The following SOX11 variants were observed in gnomAD, a reference collection of about 807,000 sequenced individuals.
The protein encoded by SOX11 is SRY-box transcription factor 11.
A neutral mutation model predicts 16.7 loss-of-function variants in SOX11; 5 were observed. The ratio of observed to expected loss-of-function variants is 0.30; its 90% CI spans 0.16 to 0.63. The LOEUF (loss-of-function observed/expected upper bound fraction) is 0.63. SOX11 is among the 20% of genes least tolerant of loss of function. SOX11 has a pLI of 0.82. For missense variants in SOX11, 492 were observed against 641.5 expected (o/e 0.77, Z 2.52); for synonymous variants, 363 against 298.8 (o/e 1.21, Z -2.22).
chr2:5,694,614 T>C lies in SOX11; in HGVS notation c.*567T>C, dbSNP rs1380514415. On this transcript the variant is annotated 3_prime_UTR_variant, in exon 1 of 1. Coordinates refer to ENST00000322002, the MANE Select transcript of SOX11 (RefSeq NM_003108.4). ...TTTTTCTTAAGAGAACTTAAAGAAC[T>C]GGTGATTTTTTTTTAACAAAAAAAG... 5.8e-6 allele frequency: 1 copy of C among 171,518 alleles called. No individual in the cohort carries two copies. The highest frequency in any genetic ancestry group is 1.4e-5 in the Non-Finnish European group (1 of 73,668). 10.6% of individuals were successfully genotyped at this position (171,518 alleles called of 1,614,324 possible).
At position 5,694,371 on chromosome 2, in the gene SOX11, A is replaced by G. The variant is rs1438349215; in HGVS notation, c.*324A>G. The G allele has an allele frequency of 1.7e-5, 5 of 301,320 alleles. No homozygotes were observed. In the East Asian group the frequency reaches 2.8e-4, roughly 17 times the overall value. The allele number at this position is 301,320 out of a possible 1,614,324, so 18.7% of individuals were successfully genotyped here. ...GTTGCATACCTAGTCTGGAGTTGTG[A>G]TTATTTTCCCAAAAAATGTGTTTTT... is the stretch of plus-strand genomic sequence containing the variant. On this transcript the variant is annotated 3_prime_UTR_variant, in exon 1 of 1. Transcript: ENST00000322002.
At position 5,692,502 on chromosome 2, in the gene SOX11, C is replaced by T. The variant is rs183761758; in HGVS notation, c.-220C>T. On this transcript the variant is annotated 5_prime_UTR_variant, in exon 1 of 1. Coordinates refer to ENST00000322002, the MANE Select transcript of SOX11 (RefSeq NM_003108.4). The stretch of plus-strand genomic sequence containing the variant: ...GCCGTCGCCACCGCCTCTCCTGTCG[C>T]GACCGCAGCTCCCACCGCGCCGGCG... 6.6e-6 allele frequency among the ~76,000 whole-genome samples: 1 copy of T among 150,606 alleles called. No homozygotes were observed. Among genetic ancestry groups the T allele is most frequent in the Non-Finnish European group, 1.5e-5 (1 of 67,774 alleles).
chr2:5,698,107 T>C lies in SOX11; in HGVS notation c.*4060T>C, dbSNP rs1665774096. ...TGTTTGGCAATCTAAATTTAAAACC[T>C]GTTAGAACTCAGGACAGGCGCTTCA... is the stretch of plus-strand genomic sequence containing the variant. On this transcript the variant is annotated 3_prime_UTR_variant, in exon 1 of 1. Coordinates refer to ENST00000322002, the MANE Select transcript of SOX11 (RefSeq NM_003108.4). 1 of 167,194 alleles carries C rather than the reference T, an allele frequency of 6.0e-6. No homozygotes were observed. The highest frequency in any genetic ancestry group is 2.4e-5 in the African/African-American group (1 of 41,598). 10.4% of individuals were successfully genotyped at this position (167,194 alleles called of 1,614,324 possible).
chr2:5,696,428 G>C lies in SOX11; in HGVS notation c.*2381G>C, dbSNP rs1268581732. The C allele has an allele frequency of 6.3e-6, 1 of 158,912 alleles. No homozygotes were observed. Among genetic ancestry groups the C allele is most frequent in the African/African-American group, 2.4e-5 (1 of 41,446 alleles). The allele number at this position is 158,912 out of a possible 1,614,324, so 9.8% of individuals were successfully genotyped here. On this transcript the variant is annotated 3_prime_UTR_variant, in exon 1 of 1. Transcript: ENST00000322002. ...GGGAGGGAGGCGGGAGTCGGGGGAAGACGCGGCAGGCCGGCCGAGGGCACC... is the reference window on the plus strand; with the variant it reads ...GGGAGGGAGGCGGGAGTCGGGGGAACACGCGGCAGGCCGGCCGAGGGCACC...
chr2:5,692,663 G>C lies in SOX11; in HGVS notation c.-59G>C. 7.0e-7 allele frequency: 1 copy of C among 1,425,176 alleles called. No individual in the cohort carries two copies. Among genetic ancestry groups the C allele is most frequent in the Admixed American group, 2.4e-5 (1 of 41,768 alleles). 88.3% of individuals were successfully genotyped at this position (1,425,176 alleles called of 1,614,324 possible). On this transcript the variant is annotated 5_prime_UTR_variant, in exon 1 of 1. Coordinates refer to ENST00000322002, the MANE Select transcript of SOX11 (RefSeq NM_003108.4). ...GAAGGTGGAGGGGTGGGAGGGGGAG[G>C]GGGACCTCCGCACGAGACCCAGCGG...
In SOX11 at chr2:5,694,229, A is replaced by C; in HGVS notation, c.*182A>C. 1.3e-6 allele frequency: 1 copy of C among 783,642 alleles called. No homozygotes were observed. Among genetic ancestry groups the C allele is most frequent in the African/African-American group, 1.8e-5 (1 of 54,982 alleles). The allele number at this position is 783,642 out of a possible 1,614,324, so 48.5% of individuals were successfully genotyped here. A position where few individuals can be genotyped will look rare whatever the true frequency, so the allele number is the denominator to read the frequency against. On this transcript the variant is annotated 3_prime_UTR_variant, in exon 1 of 1. Transcript: ENST00000322002. ...ATATTGATAAGATGTCGTGACGCAA[A>C]GAAATTGGAAAACATGATGAAAATT...
At position 5,694,317 on chromosome 2, in the gene SOX11, C is replaced by A; in HGVS notation, c.*270C>A. On this transcript the variant is annotated 3_prime_UTR_variant, in exon 1 of 1. Transcript: ENST00000322002. ...TTTTTCCTGTCCTTTTTTTGTCCCC[C>A]CTCCCTTCCTTTATCGTGTCTCAAG... 4.2e-6 allele frequency: 2 copies of A among 477,134 alleles called. No individual in the cohort carries two copies. Among genetic ancestry groups the A allele is most frequent in the East Asian group, 3.4e-5 (1 of 29,582 alleles). The allele number at this position is 477,134 out of a possible 1,614,324, so 29.6% of individuals were successfully genotyped here.
Position 5,694,242 on chromosome 2 carries a change from CAT to C in SOX11, c.*196_*197del. On this transcript the variant is annotated 3_prime_UTR_variant, in exon 1 of 1. Transcript: ENST00000322002. ...GTCGTGACGCAAAGAAATTGGAAAA[CAT>C]GATGAAAATTTTGGTGGAGTTAAAG... The C allele has an allele frequency of 1.4e-6, 1 of 730,760 alleles. No homozygotes were observed. The highest frequency in any genetic ancestry group is 2.1e-6 in the Non-Finnish European group (1 of 480,160). 45.3% of individuals were successfully genotyped at this position (730,760 alleles called of 1,614,324 possible).
rs1665838495 is a variant in SOX11, at chr2:5,701,375, A to C, written c.*7328A>C. On this transcript the variant is annotated 3_prime_UTR_variant, in exon 1 of 1. Coordinates refer to ENST00000322002, the MANE Select transcript of SOX11 (RefSeq NM_003108.4). ...CAAAAGACTCTAATAAAATTGTGTG[A>C]TCAATCTTCACTTGTGGTTTTTATG... 6.0e-6 allele frequency: 1 copy of C among 166,902 alleles called. No individual in the cohort carries two copies. The highest frequency in any genetic ancestry group is 6.5e-5 in the Admixed American group (1 of 15,288). The allele number at this position is 166,902 out of a possible 1,614,324, so 10.3% of individuals were successfully genotyped here.
Position 5,695,764 on chromosome 2 carries a change from G to C in SOX11, c.*1717G>C, listed in dbSNP as rs1001004618. On this transcript the variant is annotated 3_prime_UTR_variant, in exon 1 of 1. Transcript: ENST00000322002. ...GCAGGAGAGAATTCTACATTTAGGG[G>C]GTTAGGCTGAAAAGTGTTCAATTAG... 6.0e-6 allele frequency: 1 copy of C among 167,168 alleles called. No homozygotes were observed. Among genetic ancestry groups the C allele is most frequent in the Non-Finnish European group, 1.5e-5 (1 of 68,158 alleles). The allele number at this position is 167,168 out of a possible 1,614,324, so 10.4% of individuals were successfully genotyped here.
rs899337295 is a variant in SOX11 at position 5,693,933 on chromosome 2, G to A, written c.1212G>A (p.Glu404=). The part of the protein sequence containing the change: ...LVDKDLDSFS[E]GSLGSHFEFP... ...ATAAGGATTTGGATTCGTTCAGCGA[G>A]GGCAGCCTGGGCTCCCACTTCGAGT... Residue 404 remains glutamate (E), a synonymous_variant, in exon 1 of 1, where the codon GAG becomes GAA. Coordinates refer to ENST00000322002, the MANE Select transcript of SOX11 (RefSeq NM_003108.4). This position sits in a 1 kb window ranked among gnomAD's most constrained non-coding sequence, Gnocchi z 8.6. 7.1e-6 allele frequency: 11 copies of A among 1,551,610 alleles called. No homozygotes were observed. The highest frequency in any genetic ancestry group is 3.3e-4 in the Middle Eastern group (2 of 5,992).
In SOX11 at chr2:5,693,749, C is replaced by G. The variant is rs1339574821; in HGVS notation, c.1028C>G (p.Ser343Trp). 1.3e-6 allele frequency: 2 copies of G among 1,574,502 alleles called. No homozygotes were observed. Among genetic ancestry groups the G allele is most frequent in the East Asian group, 2.3e-5 (1 of 43,904 alleles). Residue 343 changes from serine to tryptophan, a missense_variant, in exon 1 of 1, where the codon TCG becomes TGG. Coordinates refer to ENST00000322002, the MANE Select transcript of SOX11 (RefSeq NM_003108.4). This position sits in a 1 kb window ranked among gnomAD's most constrained non-coding sequence, Gnocchi z 8.6. ...PASSRSVSTS[S>W]SSSSGSSSGS... Reference sequence around the variant, plus strand: ...TCCTCGCGCTCGGTGTCCACCTCCTCGTCCAGCAGCAGCGGCAGCAGCAGC... The same window carrying G: ...TCCTCGCGCTCGGTGTCCACCTCCTGGTCCAGCAGCAGCGGCAGCAGCAGC...
rs1004041341 is a variant in SOX11 at position 5,695,581 on chromosome 2, T to G, written c.*1534T>G. On this transcript the variant is annotated 3_prime_UTR_variant, in exon 1 of 1. Coordinates refer to ENST00000322002, the MANE Select transcript of SOX11 (RefSeq NM_003108.4). ...TCATTGCCTGTTTTTTTTTTTTTTT[T>G]TTTGTGCTGGAAGTCTGTATCTTGA... 3 of 164,940 alleles carry G rather than the reference T, an allele frequency of 1.8e-5. No individual in the cohort carries two copies. The highest frequency in any genetic ancestry group is 6.6e-5 in the Admixed American group (1 of 15,108). 10.2% of individuals were successfully genotyped at this position (164,940 alleles called of 1,614,324 possible).
In SOX11 at chr2:5,693,316, G is replaced by A; in HGVS notation, c.595G>A (p.Val199Met). ...GDYGGAGDDY[V>M]LGSLRVSGSG... is the part of the protein sequence containing the mutation. ...CTACGGGGGCGCGGGCGACGACTAC[G>A]TGCTGGGCAGCCTGCGCGTGAGCGG... Residue 199 changes from valine to methionine, a missense_variant, in exon 1 of 1, where the codon GTG becomes ATG. By Grantham distance (21) the Val-to-Met change is conservative. Coordinates refer to ENST00000322002, the MANE Select transcript of SOX11 (RefSeq NM_003108.4). This position sits in a 1 kb window ranked among gnomAD's most constrained non-coding sequence, Gnocchi z 8.6. 2 of 1,582,556 alleles carry A rather than the reference G, an allele frequency of 1.3e-6. No homozygotes were observed. Among genetic ancestry groups the A allele is most frequent in the Non-Finnish European group, 1.7e-6 (2 of 1,173,044 alleles).
In SOX11 at chr2:5,692,580, C is replaced by A. The variant is rs1053781026; in HGVS notation, c.-142C>A. On this transcript the variant is annotated 5_prime_UTR_variant, in exon 1 of 1. Coordinates refer to ENST00000322002, the MANE Select transcript of SOX11 (RefSeq NM_003108.4). ...GCTGTGTGCAGCCTGGAAGGGGGGG[C>A]GGGGGGGAGGGGGGGAGCCGCGAAA... The A allele has an allele frequency of 8.5e-6, 4 of 472,322 alleles. No homozygotes were observed. The highest frequency in any genetic ancestry group is 5.3e-5 in the South Asian group (2 of 37,496). 29.3% of individuals were successfully genotyped at this position (472,322 alleles called of 1,614,324 possible).
chr2:5,694,184 G>A lies in SOX11; in HGVS notation c.*137G>A. 8.9e-7 allele frequency: 1 copy of A among 1,118,884 alleles called. No individual in the cohort carries two copies. Among genetic ancestry groups the A allele is most frequent in the Non-Finnish European group, 1.2e-6 (1 of 808,076 alleles). The allele number at this position is 1,118,884 out of a possible 1,614,324, so 69.3% of individuals were successfully genotyped here. A position where few individuals can be genotyped will look rare whatever the true frequency, so the allele number is the denominator to read the frequency against. ...ATGGTGGCGGTGGTAGGGTGGAGGGGAGAGAAGAAGATGCTGATGATATTG... is the reference window on the plus strand; with the variant it reads ...ATGGTGGCGGTGGTAGGGTGGAGGGAAGAGAAGAAGATGCTGATGATATTG... On this transcript the variant is annotated 3_prime_UTR_variant, in exon 1 of 1. Transcript: ENST00000322002.
chr2:5,696,757 G>T lies in SOX11; in HGVS notation c.*2710G>T, dbSNP rs1296917807. On this transcript the variant is annotated 3_prime_UTR_variant, in exon 1 of 1. Coordinates refer to ENST00000322002, the MANE Select transcript of SOX11 (RefSeq NM_003108.4). ...CCTCGGGGCTGCGGGGTGAGAGGAA[G>T]AAAGCAAACCCGGGGAGCAGGCGGC... 1 of 152,294 alleles carries T rather than the reference G, an allele frequency of 6.6e-6. No individual in the cohort carries two copies. Among genetic ancestry groups the T allele is most frequent in the African/African-American group, 2.4e-5 (1 of 41,520 alleles). 9.4% of individuals were successfully genotyped at this position (152,294 alleles called of 1,614,324 possible). A position where few individuals can be genotyped will look rare whatever the true frequency, so the allele number is the denominator to read the frequency against.
chr2:5,696,789 ACCCGCGCACCCCGGG>A lies in SOX11; in HGVS notation c.*2746_*2760del, dbSNP rs1187366274. 6.6e-6 allele frequency: 1 copy of A among 152,532 alleles called. No individual in the cohort carries two copies. The highest frequency in any genetic ancestry group is 1.5e-5 in the Non-Finnish European group (1 of 67,812). 9.4% of individuals were successfully genotyped at this position (152,532 alleles called of 1,614,324 possible). A position where few individuals can be genotyped will look rare whatever the true frequency, so the allele number is the denominator to read the frequency against. ...AACCCGGGGAGCAGGCGGCTGCCGC[ACCCGCGCACCCCGGG>A]CCCTCACCACGCCCTCCCCGCGCGC... On this transcript the variant is annotated 3_prime_UTR_variant, in exon 1 of 1. Coordinates refer to ENST00000322002, the MANE Select transcript of SOX11 (RefSeq NM_003108.4).
In SOX11 at chr2:5,699,147, C is replaced by G. The variant is rs1665793483; in HGVS notation, c.*5100C>G. 6.0e-6 allele frequency: 1 copy of G among 166,844 alleles called. No homozygotes were observed. The highest frequency in any genetic ancestry group is 2.1e-4 in the South Asian group (1 of 4,804). 10.3% of individuals were successfully genotyped at this position (166,844 alleles called of 1,614,324 possible). ...TTTATACTCTTTTACTGTGTGGTTC[C>G]CTGCTTTTAACAGATTTCTGAGGCA... On this transcript the variant is annotated 3_prime_UTR_variant, in exon 1 of 1. Transcript: ENST00000322002.
Sources: gnomAD v4.1 joint callset for allele counts (sites outside exome capture counted in the v4.1 genomes callset) on GRCh38, gnomAD v4.1.1 for gene constraint, Gnocchi (gnomAD v3.1) non-coding constraint, MANE v1.5 for transcripts, NCBI Gene and HGNC (gene_info 2026-07-23, HGNC 2026-07-21) for gene names.